The following TATDN3 variants were observed in gnomAD, a reference collection of about 807,000 sequenced individuals.
TATDN3 encodes the protein TatD DNase domain containing 3, also known as deoxyribonuclease TATDN3.
A neutral mutation model predicts 40.1 loss-of-function variants in TATDN3; 29 were observed. The ratio of observed to expected loss-of-function variants is 0.72; its 90% confidence interval spans 0.54 to 0.99. TATDN3 has a LOEUF of 0.99. Among genes scored for constraint, TATDN3 ranks in the 50% least tolerant of loss-of-function variants. TATDN3 has a pLI of 0.00. For missense variants in TATDN3, 309 were observed against 321.9 expected (o/e 0.96, Z 0.31); for synonymous variants, 105 against 117.0 (o/e 0.90, Z 0.66).
chr1:212,815,198 G>A lies in TATDN3; in HGVS notation c.*42G>A, dbSNP rs76268387. On this transcript the variant is annotated 3_prime_UTR_variant, in exon 10 of 10. Transcript: ENST00000366974. ...TACAAAATCGAATCAACTGCAGGGG[G>A]CAGCATTTGAAAAATAGAAATGTTC... The A allele has an allele frequency of 1.3e-6, 2 of 1,569,030 alleles. No homozygotes were observed. The highest frequency in any genetic ancestry group is 2.0e-5 in the Admixed American group (1 of 50,638).
chr1:212,809,701 AAAAAG>A (rs971346582), intron 8 of TATDN3, among the ~76,000 whole-genome samples: 3 of 151,112 alleles, frequency 2.0e-5, no homozygotes, highest in Non-Finnish European at 4.4e-5. Flanking sequence ...AAAAAAAAGA[AAAAAG>A]AAAACCATCC....
chr1:212,793,252 C>T (rs1278058189), intron 1 of TATDN3, among the ~76,000 whole-genome samples: 1 of 151,728 alleles, frequency 6.6e-6, no homozygotes, highest in African/African-American at 2.4e-5. Context: ...TGGCTGTGTC[C>T]CTCAGGCTGA....
chr1:212,807,819 A>G lies in TATDN3; in HGVS notation c.571A>G (p.Ile191Val). 1.2e-6 allele frequency: 2 copies of G among 1,613,386 alleles called. No homozygotes were observed. Among genetic ancestry groups the G allele is most frequent in the South Asian group, 1.1e-5 (1 of 90,910 alleles). ...EGVRAGYFFS[I>V]PPSIIRSGQK... Reference sequence around the variant, plus strand: ...AGTAAGAGCTGGGTACTTCTTCTCAATTCCCCCTTCTATCATAAGAAGTGG... The same window carrying G: ...AGTAAGAGCTGGGTACTTCTTCTCAGTTCCCCCTTCTATCATAAGAAGTGG... Residue 191 changes from isoleucine to valine, a missense_variant, in exon 8 of 10, where the codon ATT becomes GTT. Physicochemically the swap from Ile to Val is conservative, Grantham distance 29. Coordinates refer to ENST00000366974, the MANE Select transcript of TATDN3 (RefSeq NM_001042552.3).
At position 212,796,497 on chromosome 1, in the gene TATDN3, A is replaced by ATT; in HGVS notation, c.100-19_100-18dup. ...TTAAATGTATATTGTTTGTAACTTT[A>ATT]TTCTTTTTTTTTTTTTCAGGCCAAT... On this transcript the variant is annotated intron_variant, in intron 2 of 9. Transcript: ENST00000366974. 7.2e-7 allele frequency: 1 copy of ATT among 1,388,112 alleles called. No homozygotes were observed. Among genetic ancestry groups the ATT allele is most frequent in the East Asian group, 2.5e-5 (1 of 39,698 alleles). The allele number at this position is 1,388,112 out of a possible 1,614,324, so 86.0% of individuals were successfully genotyped here.
At chr1:212,806,819 CATATATACAT>C (rs1205260968) in intron 7 of TATDN3, among the ~76,000 whole-genome samples, 5 of 59,286 alleles carry the variant, frequency 8.4e-5, no homozygotes, top group Admixed American at 3.1e-4. Flanking sequence ...CATATATACA[CATATATACAT>C]ATATATACAT....
chr1:212,798,355 C>G (rs1661931965), intron 4 of TATDN3, among the ~76,000 whole-genome samples: 1 of 151,246 alleles, frequency 6.6e-6, no homozygotes, highest in Non-Finnish European at 1.5e-5. Flanking sequence ...TAATGTATCT[C>G]TCTTCCTATA....
intron 8 of TATDN3, among the ~76,000 whole-genome samples, chr1:212,810,242 G>A (rs1413050050): frequency 6.6e-6 from 1 of 151,900 alleles, no homozygotes; most frequent in African/African-American, 2.4e-5. Context: ...GGGCGCGGTG[G>A]CTCACGCATG....
intron 7 of TATDN3, 97 bp downstream of exon 7, chr1:212,804,748 G>GCCCCTGCCCTTCAAGA: frequency 9.2e-7 from 1 of 1,086,660 alleles, no homozygotes; most frequent in Non-Finnish European, 1.4e-6. Context: ...CTGATTTCTT[G>GCCCCTGCCCTTCAAGA]AAGGGCAGGG....
Position 212,815,026 on chromosome 1 carries a change from C to T in TATDN3, c.695C>T (p.Pro232Leu). The T allele has an allele frequency of 6.2e-7, 1 of 1,613,326 alleles. No individual in the cohort carries two copies. The highest frequency in any genetic ancestry group is 2.2e-5 in the East Asian group (1 of 44,856). ...GTCTTGTTTCAGGTACGGAATGAGC[C>T]CTGGAACATTTCTATTTCAGCAGAA... ...LGPEKQVRNE[P>L]WNISISAEYI... The change falls in exon 10 of 10, where the codon CCC becomes CTC. Residue 232 changes from proline to leucine, a missense_variant. Coordinates refer to ENST00000366974, the MANE Select transcript of TATDN3 (RefSeq NM_001042552.3).
At chr1:212,805,507 C>T (rs541726679) in intron 7 of TATDN3, among the ~76,000 whole-genome samples, 16 of 152,292 alleles carry the variant, frequency 1.1e-4, no homozygotes, top group Non-Finnish European at 1.6e-4. Context: ...CCACACGCCT[C>T]GGCCTCCCAA....
chr1:212,804,321 T>C lies in TATDN3; in HGVS notation c.323T>C (p.Val108Ala). ...YKDRLLAIGE[V>A]GLDFSPRFAG... ...ATATCTTTTATTTTTCTGCTCTAGG[T>C]TGGACTAGATTTCTCCCCCAGATTT... The change falls in exon 6 of 10, where the codon GTT becomes GCT. Residue 108 changes from valine to alanine, a missense_variant and splice_region_variant. Transcript: ENST00000366974. 3.1e-6 allele frequency: 5 copies of C among 1,612,236 alleles called. No individual in the cohort carries two copies. The highest frequency in any genetic ancestry group is 4.2e-6 in the Non-Finnish European group (5 of 1,178,354).
chr1:212,801,997 A>G (rs958255976), intron 4 of TATDN3, among the ~76,000 whole-genome samples: 5 of 152,210 alleles, frequency 3.3e-5, no homozygotes, highest in Admixed American at 6.5e-5. Flanking sequence ...TGCAATTTAT[A>G]TATCCTGAAA....
rs966518541 is a variant in TATDN3, at chr1:212,815,416, C to G, written c.*260C>G. ...GAAAATACTGCTACTTCTTACATTG[C>G]CCTTTTATATAGAACCACCACCTGA... On this transcript the variant is annotated 3_prime_UTR_variant, in exon 10 of 10. Coordinates refer to ENST00000366974, the MANE Select transcript of TATDN3 (RefSeq NM_001042552.3). The G allele has an allele frequency of 3.5e-4, 124 of 354,778 alleles. No homozygotes were observed. Among genetic ancestry groups the G allele is most frequent in the African/African-American group, 2.5e-3 (117 of 47,508 alleles). The allele number at this position is 354,778 out of a possible 1,614,324, so 22.0% of individuals were successfully genotyped here.
intron 4 of TATDN3, 141 bp downstream of exon 4, chr1:212,797,337 T>C: frequency 1.5e-6 from 1 of 653,680 alleles, no homozygotes. Context: ...CAAAGATGTT[T>C]GTTGCAACAT....
In TATDN3 at chr1:212,806,783, T is replaced by TATAC. The variant is rs796710955; in HGVS notation, c.488-952_488-951insTACA. 4.8e-3 allele frequency among the ~76,000 whole-genome samples: 381 copies of TATAC among 79,512 alleles called. 64 individuals are homozygous for TATAC. Among genetic ancestry groups the TATAC allele is most frequent in the Admixed American group, 6.2e-3 (34 of 5,444 alleles). The allele number at this position is 79,512 out of a possible 152,430, so 52.2% of individuals were successfully genotyped here. ...ATATATATATATATATATATATATA[T>TATAC]ACACACACACACACACATATATACA... On this transcript the variant is annotated intron_variant, in intron 7 of 9. Coordinates refer to ENST00000366974, the MANE Select transcript of TATDN3 (RefSeq NM_001042552.3).
chr1:212,804,015 A>G (rs111817740), intron 5 of TATDN3, among the ~76,000 whole-genome samples: 3,464 of 152,244 alleles, frequency 0.023, 63 homozygotes, highest in South Asian at 0.041. Context: ...CATCCTGGGC[A>G]ACAGAGCCAC....
rs185916388 is a variant in TATDN3, at chr1:212,798,698, A to T, written c.258+1502A>T. On this transcript the variant is annotated intron_variant, in intron 4 of 9. Transcript: ENST00000366974. ...TAGCAAGGCAGCACTTCTTTCATTT[A>T]TGTGGGGATTTATACTAATAGACAT... is the stretch of plus-strand genomic sequence containing the variant. 3.4e-3 allele frequency among the ~76,000 whole-genome samples: 525 copies of T among 152,286 alleles called. 7 individuals are homozygous for T. The highest frequency in any genetic ancestry group is 0.012 in the African/African-American group (502 of 41,574).
At chr1:212,802,993 T>C (rs1394036650) in intron 5 of TATDN3, among the ~76,000 whole-genome samples, 12 of 152,196 alleles carry the variant, frequency 7.9e-5, no homozygotes. Context: ...AATAATAGCA[T>C]TTCTAAATAC....
chr1:212,801,744 G>A (rs1159065364), intron 4 of TATDN3, among the ~76,000 whole-genome samples: 1 of 152,010 alleles, frequency 6.6e-6, no homozygotes, highest in Non-Finnish European at 1.5e-5. Flanking sequence ...GACATCTAGG[G>A]TCATATACCC....
Sources: allele counts gnomAD v4.1 joint callset (sites outside exome capture counted in the v4.1 genomes callset), GRCh38; gene constraint gnomAD v4.1.1; transcripts MANE v1.5; gene names NCBI Gene and HGNC (gene_info 2026-07-23, HGNC 2026-07-21).